ASAP2: variants seen among roughly 807,000 people sequenced by gnomAD.
ASAP2 encodes arf-GAP with SH3 domain, ANK repeat and PH domain-containing protein 2.
In ASAP2, 45 loss-of-function variants were observed where a neutral mutation model predicts 131.4. The observed-to-expected ratio is 0.34, with a 90% CI of 0.27 to 0.44. ASAP2 has a LOEUF of 0.44. Ranked by LOEUF, ASAP2 falls within the 20% of genes least tolerant of loss-of-function variation. The pLI is 1.00. For missense variants in ASAP2, 1,011 were observed against 1,297.0 expected, an observed-to-expected ratio of 0.78 and a Z score of 3.39; for synonymous variants, 510 against 503.0, an observed-to-expected ratio of 1.01 and a Z score of -0.19.
chr2:9,401,466 C>T (rs1279668523), intron 27 of ASAP2, 70 bp downstream of exon 27: 6 of 1,564,002 alleles, frequency 3.8e-6, no homozygotes, highest in Admixed American at 1.8e-5. Flanking sequence ...GCTGGAGAGA[C>T]GGGCTTGCAG....
chr2:9,401,373 G>T lies in ASAP2; in HGVS notation c.2923G>T (p.Gly975Trp), dbSNP rs373040649. ...FSEGDVIIVD[G>W]EEDQEWWIGH... ...CGAGGGGGATGTGATCATCGTGGAC[G>T]GGGAGGAGGACCAGGAGTGGTGGGT... Residue 975 changes from glycine (G) to tryptophan (W), a missense_variant, in exon 27 of 28, where the codon GGG becomes TGG. Coordinates refer to ENST00000281419, the MANE Select transcript of ASAP2 (RefSeq NM_003887.3). The T allele has an allele frequency of 1.2e-6, 2 of 1,613,482 alleles. No homozygotes were observed. Among genetic ancestry groups the T allele is most frequent in the African/African-American group, 1.3e-5 (1 of 74,904 alleles).
chr2:9,252,022 C>T (rs1429955639), intron 1 of ASAP2, among the ~76,000 whole-genome samples: 1 of 151,752 alleles, frequency 6.6e-6, no homozygotes, highest in Non-Finnish European at 1.5e-5. Flanking sequence ...TTGGGAAGTA[C>T]TGGCCAGTAG....
intron 24 of ASAP2, chr2:9,399,794 A>G (rs1408065171): frequency 3.5e-6 from 2 of 569,596 alleles, no homozygotes; most frequent in Non-Finnish European, 6.3e-6. Context: ...ACGTGGACAG[A>G]GTGCTCTGGA....
intron 25 of ASAP2, among the ~76,000 whole-genome samples, 187 bp downstream of exon 25, chr2:9,400,259 G>T (rs1572644827): frequency 1.1e-5 from 1 of 94,012 alleles, no homozygotes; most frequent in Non-Finnish European, 2.1e-5. Flanking sequence ...TTCCCCTCCT[G>T]CCCTCTTCCT....
intron 9 of ASAP2, among the ~76,000 whole-genome samples, chr2:9,340,045 C>T (rs1671476293): frequency 6.6e-6 from 1 of 152,154 alleles, no homozygotes; most frequent in Non-Finnish European, 1.5e-5. Flanking sequence ...TTGTTTGAGA[C>T]AGAATCTCCC....
intron 9 of ASAP2, among the ~76,000 whole-genome samples, chr2:9,337,854 A>G (rs146871842): frequency 1.4e-3 from 210 of 152,280 alleles, no homozygotes; most frequent in African/African-American, 4.8e-3. Context: ...TGGTATTTCC[A>G]TTATTTTTCT....
Position 9,403,321 on chromosome 2 carries a change from T to G in ASAP2, c.3015T>G (p.Ala1005=). Residue 1005 remains alanine (A), a synonymous_variant, in exon 28 of 28, where the codon GCT becomes GCG. Coordinates refer to ENST00000281419, the MANE Select transcript of ASAP2 (RefSeq NM_003887.3). The part of the protein sequence containing the change: ...AFPVSFVHFI[A]D ...CGGTGTCATTTGTGCACTTTATCGC[T>G]GACTGAATTGCTACTGAACAAAAGC... 2 of 1,613,978 alleles carry G rather than the reference T, an allele frequency of 1.2e-6. No homozygotes were observed. The highest frequency in any genetic ancestry group is 1.7e-6 in the Non-Finnish European group (2 of 1,179,864).
intron 15 of ASAP2, among the ~76,000 whole-genome samples, chr2:9,362,034 A>G (rs4233868): frequency 0.27 from 39,801 of 149,838 alleles, 5,628 homozygotes; most frequent in Admixed American, 0.32. Context: ...TGTCTGACAC[A>G]CCGTTAAGAA....
chr2:9,399,735 T>C, intron 24 of ASAP2: 1 of 483,000 alleles, frequency 2.1e-6, no homozygotes, highest in African/African-American at 2.0e-5. Flanking sequence ...GCGGGGCCAG[T>C]GGCCAGTGCC....
chr2:9,253,387 C>T (rs1052996557), intron 1 of ASAP2, among the ~76,000 whole-genome samples: 2 of 151,660 alleles, frequency 1.3e-5, no homozygotes, highest in African/African-American at 4.9e-5. Context: ...TGGTCTCCAA[C>T]TCCTGACCTC....
At chr2:9,246,036 G>C (rs918728348) in intron 1 of ASAP2, among the ~76,000 whole-genome samples, 6 of 152,232 alleles carry the variant, frequency 3.9e-5, no homozygotes, top group African/African-American at 1.4e-4. Flanking sequence ...AGGGTGGTGT[G>C]ACCCCGTTGG....
chr2:9,207,156 TACA>T lies in ASAP2; in HGVS notation c.54_56del (p.Tyr18_Lys19delinsTer), dbSNP rs776600346. 1 of 1,606,028 alleles carries T rather than the reference TACA, an allele frequency of 6.2e-7. No individual in the cohort carries two copies. The highest frequency in any genetic ancestry group is 8.5e-7 in the Non-Finnish European group (1 of 1,176,724). On this transcript the variant is annotated stop_gained and inframe_deletion, in exon 1 of 28. Transcript: ENST00000281419. LOFTEE classifies it high-confidence loss of function. This position sits in a 1 kb window ranked among gnomAD's most constrained non-coding sequence, Gnocchi z 4.1. ...ATTCGTGGCCGAGACCCATGAGGAC[TACA>T]AGGCGCCCACGGCCTCCAGCTTCAC...
intron 7 of ASAP2, among the ~76,000 whole-genome samples, chr2:9,332,399 G>A (rs1307391561): frequency 1.3e-5 from 2 of 152,216 alleles, no homozygotes; most frequent in Non-Finnish European, 2.9e-5. Flanking sequence ...GGGAAGGTCA[G>A]CACTTTGAAA....
chr2:9,354,260 G>A (rs113414289), intron 12 of ASAP2, among the ~76,000 whole-genome samples: 1 of 152,220 alleles, frequency 6.6e-6, no homozygotes, highest in Non-Finnish European at 1.5e-5. Context: ...GGCCAGTAGA[G>A]CCAGAGCCCT....
chr2:9,317,673 C>T (rs1317203767), intron 3 of ASAP2, among the ~76,000 whole-genome samples: 1 of 150,996 alleles, frequency 6.6e-6, no homozygotes, highest in Non-Finnish European at 1.5e-5. Flanking sequence ...CACTCACATC[C>T]ATAATCACAT....
chr2:9,249,814 C>T (rs1446057072), intron 1 of ASAP2, among the ~76,000 whole-genome samples: 1 of 152,200 alleles, frequency 6.6e-6, no homozygotes, highest in Admixed American at 6.5e-5. Context: ...AGAGGATGAC[C>T]GAGGGGCATG....
At chr2:9,263,212 C>T (rs2709585) in intron 1 of ASAP2, among the ~76,000 whole-genome samples, 9,248 of 152,178 alleles carry the variant, frequency 0.061, 725 homozygotes, top group African/African-American at 0.18. Context: ...GTTTGTGATT[C>T]TTTTCCTGAG....
chr2:9,331,095 C>T (rs778282731), intron 7 of ASAP2, among the ~76,000 whole-genome samples: 16 of 152,302 alleles, frequency 1.1e-4, no homozygotes, highest in Non-Finnish European at 1.8e-4. Context: ...GCCCAGTTTC[C>T]GCTTCTCGCC....
chr2:9,225,345 C>T (rs570473170), intron 1 of ASAP2, among the ~76,000 whole-genome samples: 130 of 152,308 alleles, frequency 8.5e-4, no homozygotes, highest in African/African-American at 2.2e-3. Flanking sequence ...ACCTTAAAGA[C>T]ACTTGTCTAG....
Sources: gnomAD v4.1 joint callset for allele counts (sites outside exome capture counted in the v4.1 genomes callset) on GRCh38, gnomAD v4.1.1 for gene constraint, Gnocchi (gnomAD v3.1) non-coding constraint, MANE v1.5 for transcripts, NCBI Gene and HGNC (gene_info 2026-07-23, HGNC 2026-07-21) for gene names.